The following MAPK8 variants were observed in gnomAD, a reference collection of about 807,000 sequenced individuals.
MAPK8 encodes the protein JUN N-terminal kinase.
In MAPK8, 13 loss-of-function variants were observed where a neutral mutation model predicts 52.9. That is an observed-to-expected ratio of 0.25 (90% CI 0.16 to 0.39). The LOEUF (loss-of-function observed/expected upper bound fraction) is 0.39, where lower values mean the gene tolerates loss of function less well. Ranked by LOEUF, MAPK8 falls within the 10% of genes least tolerant of loss-of-function variation. The pLI, the probability that MAPK8 is intolerant of heterozygous loss-of-function variation, is 1.00. For synonymous variants in MAPK8, 191 were observed against 169.8 expected (o/e 1.12, Z -0.97); for missense variants, 300 against 519.2 (o/e 0.58, Z 4.10).
At chr10:48,404,368 G>A (rs1243043357) in intron 2 of MAPK8, among the ~76,000 whole-genome samples, 2 of 151,432 alleles carry the variant, frequency 1.3e-5, no homozygotes, top group African/African-American at 4.9e-5. Flanking sequence ...GTGTTGGCCA[G>A]GATGGTCTCG....
chr10:48,401,925 G>A, intron 2 of MAPK8, 143 bp downstream of exon 2: 1 of 596,882 alleles, frequency 1.7e-6, no homozygotes, highest in Non-Finnish European at 2.6e-6. Context: ...CTATTCCACA[G>A]TAAATTGTTT....
At chr10:48,423,031 A>G (rs1025942848) in intron 6 of MAPK8, among the ~76,000 whole-genome samples, 2 of 152,184 alleles carry the variant, frequency 1.3e-5, no homozygotes, top group Non-Finnish European at 2.9e-5. Flanking sequence ...ACTAAATGCA[A>G]GTTTCTAAGG....
At chr10:48,364,743 C>G (rs888379956) in intron 1 of MAPK8, among the ~76,000 whole-genome samples, 2 of 152,116 alleles carry the variant, frequency 1.3e-5, no homozygotes, top group Non-Finnish European at 2.9e-5. Flanking sequence ...TCTGAAATGG[C>G]AGAAACATTT....
chr10:48,340,719 A>G (rs1034645784), intron 1 of MAPK8, among the ~76,000 whole-genome samples: 16 of 152,224 alleles, frequency 1.1e-4, no homozygotes, highest in African/African-American at 3.6e-4. Flanking sequence ...CCCTTTGCCT[A>G]AGACTTGTGA....
Position 48,427,090 on chromosome 10 carries a change from A to G in MAPK8, c.1007A>G (p.Lys336Arg), listed in dbSNP as rs763747268. ...CCTTGTGTTTTTCAGCCACCACCAA[A>G]GATCCCTGACAAGCAGTTAGATGAA... The part of the protein sequence containing the change: ...DPSEAEAPPP[K>R]IPDKQLDERE... Residue 336 changes from lysine (K) to arginine (R), a missense_variant, in exon 10 of 12, where the codon AAG becomes AGG. Around this residue, in one of 3 missense-constraint regions of MAPK8, gnomAD observed 119 missense variants for 154.4 expected, o/e 0.77. Transcript: ENST00000374189. 1 of 1,613,096 alleles carries G rather than the reference A, an allele frequency of 6.2e-7. No homozygotes were observed. The highest frequency in any genetic ancestry group is 1.1e-5 in the South Asian group (1 of 91,054).
intron 2 of MAPK8, among the ~76,000 whole-genome samples, chr10:48,403,129 A>G (rs1420039206): frequency 6.6e-6 from 1 of 152,208 alleles, no homozygotes; most frequent in East Asian, 1.9e-4. Context: ...GAGAAAAGAA[A>G]GGAGGTTTGA....
At chr10:48,329,732 G>T (rs996089466) in intron 1 of MAPK8, among the ~76,000 whole-genome samples, 9 of 152,232 alleles carry the variant, frequency 5.9e-5, no homozygotes, top group African/African-American at 2.2e-4. Context: ...TAGATTCTTA[G>T]ATCACAATTC....
chr10:48,339,866 A>C (rs986624997), intron 1 of MAPK8, among the ~76,000 whole-genome samples: 5 of 152,220 alleles, frequency 3.3e-5, no homozygotes, highest in African/African-American at 1.2e-4. Context: ...ATCTCATAGC[A>C]GTTAGATGGC....
intron 6 of MAPK8, among the ~76,000 whole-genome samples, chr10:48,423,657 A>C (rs1269822111): frequency 6.6e-6 from 1 of 152,184 alleles, no homozygotes; most frequent in Non-Finnish European, 1.5e-5. Context: ...TTATTTTCTC[A>C]TGCTTTTTTC....
At chr10:48,410,253 A>G in intron 5 of MAPK8, 85 bp downstream of exon 5, 1 of 1,195,384 alleles carries the variant, frequency 8.4e-7, no homozygotes, top group Non-Finnish European at 1.1e-6. Context: ...CTAAAGTGGC[A>G]TTTTTAGTAC....
chr10:48,369,273 C>G lies in MAPK8; in HGVS notation c.-49-32339C>G, dbSNP rs946149961. Among the ~76,000 whole-genome samples the G allele has an allele frequency of 9.9e-5, 15 of 152,208 alleles. No individual in the cohort carries two copies. The East Asian group carries it at 2.5e-3, about 25-fold the overall frequency. On this transcript the variant is annotated intron_variant, in intron 1 of 11. Coordinates refer to ENST00000374189, the MANE Select transcript of MAPK8 (RefSeq NM_001323329.2). The stretch of plus-strand genomic sequence containing the variant: ...AGGGGTAAGTAAGAAGAGAACTGAT[C>G]TGTGGTAGATTAAAGGTTGAATCTC...
chr10:48,368,476 A>G (rs965397612), intron 1 of MAPK8, among the ~76,000 whole-genome samples: 2 of 152,224 alleles, frequency 1.3e-5, no homozygotes, highest in African/African-American at 2.4e-5. Flanking sequence ...AAAGCAGTTA[A>G]TTGTGGCTGG....
intron 5 of MAPK8, among the ~76,000 whole-genome samples, chr10:48,418,668 G>A (rs1436361550): frequency 6.6e-6 from 1 of 152,162 alleles, no homozygotes. Flanking sequence ...TAGTTCCACT[G>A]CCTGCATAAA....
chr10:48,410,457 C>G (rs2042689604), intron 5 of MAPK8: 2 of 257,868 alleles, frequency 7.8e-6, no homozygotes, highest in Admixed American at 1.1e-4. Context: ...AAGATTTCTC[C>G]ATGTTTACCG....
intron 1 of MAPK8, among the ~76,000 whole-genome samples, chr10:48,391,283 T>G (rs1184404249): frequency 1.3e-5 from 2 of 152,232 alleles, no homozygotes; most frequent in African/African-American, 2.4e-5. Context: ...ATCTGTTAAC[T>G]GGGATAATAA....
chr10:48,396,499 G>C (rs570871667), intron 1 of MAPK8, among the ~76,000 whole-genome samples: 2 of 152,272 alleles, frequency 1.3e-5, no homozygotes, highest in South Asian at 4.1e-4. Flanking sequence ...GCTGGTGGAA[G>C]TGCAAAATGA....
At position 48,436,911 on chromosome 10, in the gene MAPK8, A is replaced by G. The variant is rs1039872242; in HGVS notation, c.*1882A>G. The G allele has an allele frequency of 1.3e-5, 2 of 152,232 alleles. No individual in the cohort carries two copies. The highest frequency in any genetic ancestry group is 1.3e-4 in the Admixed American group (2 of 15,282). 9.4% of individuals were successfully genotyped at this position (152,232 alleles called of 1,614,324 possible). On this transcript the variant is annotated 3_prime_UTR_variant, in exon 12 of 12. Coordinates refer to ENST00000374189, the MANE Select transcript of MAPK8 (RefSeq NM_001323329.2). ...TATTGGATTCACAATTTCAGCAGAA[A>G]TTTGAGAATGAGTGTGTTTATATTA... is the stretch of plus-strand genomic sequence containing the variant.
intron 1 of MAPK8, among the ~76,000 whole-genome samples, chr10:48,357,814 A>G (rs1445397761): frequency 6.6e-6 from 1 of 152,118 alleles, no homozygotes; most frequent in African/African-American, 2.4e-5. Context: ...GGACATTTTC[A>G]TCACCCCAAG....
chr10:48,425,045 T>G (rs2043592262), intron 7 of MAPK8: 3 of 607,094 alleles, frequency 4.9e-6, no homozygotes, highest in Admixed American at 5.4e-5. Flanking sequence ...ATCTGAGAAT[T>G]TCAGCAGTAG....
Sources: allele counts gnomAD v4.1 joint callset (sites outside exome capture counted in the v4.1 genomes callset), GRCh38; gene constraint gnomAD v4.1.1; regional missense constraint gnomAD v4.1.1; transcripts MANE v1.5; gene names NCBI Gene and HGNC (gene_info 2026-07-23, HGNC 2026-07-21).